Variants in SMARCA4 observed in about 807,000 individuals in gnomAD.
SMARCA4 encodes the protein SWI/SNF-related matrix-associated actin-dependent regulator of chromatin subfamily A member 4.
Under a neutral mutation model 193.9 loss-of-function variants are expected in SMARCA4, and 31 were observed. The ratio of observed to expected loss-of-function variants is 0.16; its 90% CI spans 0.12 to 0.22. The LOEUF is 0.22. Ranked by LOEUF, SMARCA4 falls within the 10% of genes least tolerant of loss-of-function variation. The pLI, the probability that SMARCA4 is intolerant of heterozygous loss-of-function variation, is 1.00. For missense variants in SMARCA4, 1,148 were observed against 2,296.0 expected (o/e 0.50, Z 10.22); for synonymous variants, 942 against 933.1 (o/e 1.01, Z -0.17).
Position 11,061,982 on chromosome 19 carries a change from G to C in SMARCA4, c.*166G>C. Reference sequence around the variant, plus strand: ...CAGCAGAGAAGCTGTAGGACTGTTTGTGACTGGCCCTGTCCTGGCATCAGT... The same window carrying C: ...CAGCAGAGAAGCTGTAGGACTGTTTCTGACTGGCCCTGTCCTGGCATCAGT... On this transcript the variant is annotated 3_prime_UTR_variant, in exon 35 of 35. Coordinates refer to ENST00000344626, the MANE Select transcript of SMARCA4 (RefSeq NM_003072.5). 1.4e-6 allele frequency: 1 copy of C among 700,068 alleles called. No individual in the cohort carries two copies. The highest frequency in any genetic ancestry group is 2.6e-6 in the Non-Finnish European group (1 of 389,454). The allele number at this position is 700,068 out of a possible 1,614,324, so 43.4% of individuals were successfully genotyped here. A position where few individuals can be genotyped will look rare whatever the true frequency, so the allele number is the denominator to read the frequency against.
At chr19:11,004,248 T>C (rs113842686) in intron 13 of SMARCA4, among the ~76,000 whole-genome samples, 9,757 of 139,638 alleles carry the variant, frequency 0.07, 349 homozygotes, top group South Asian at 0.13. Flanking sequence ...AACTCTTGAC[T>C]GGTGATTTTT....
At chr19:10,967,012 C>T (rs907809176) in intron 1 of SMARCA4, among the ~76,000 whole-genome samples, 5 of 152,166 alleles carry the variant, frequency 3.3e-5, no homozygotes, top group Non-Finnish European at 7.4e-5. Flanking sequence ...GGTGCTGCCA[C>T]CCTCATAGGT....
At position 10,986,199 on chromosome 19, in the gene SMARCA4, G is replaced by A. The variant is rs751116106; in HGVS notation, c.366G>A (p.Ser122=). 12 of 1,613,774 alleles carry A rather than the reference G, an allele frequency of 7.4e-6. No homozygotes were observed. The highest frequency in any genetic ancestry group is 4.4e-5 in the South Asian group (4 of 91,084). The change falls in exon 4 of 35, where the codon TCG becomes TCA. Residue 122 remains serine, a synonymous_variant. Coordinates refer to ENST00000344626, the MANE Select transcript of SMARCA4 (RefSeq NM_003072.5). The surrounding 1 kb of genome is among the most constrained non-coding windows in gnomAD (Gnocchi z 6.7). ...PMDQHSQGYP[S]PLGGSEHASS... ...GACCTTTCTCTGCAGGTTACCCCTC[G>A]CCCCTGGGTGGCTCTGAGCATGCCT...
At chr19:11,042,488 A>G (rs2075676777) in intron 30 of SMARCA4, among the ~76,000 whole-genome samples, 1 of 152,252 alleles carries the variant, frequency 6.6e-6, no homozygotes, top group Admixed American at 6.5e-5. Flanking sequence ...CACACTGGCC[A>G]GTACGGCTGT....
rs2074859381 is a variant in SMARCA4 at position 11,030,618 on chromosome 19, G to A, written c.3383-112G>A. On this transcript the variant is annotated intron_variant, in intron 24 of 34. Transcript: ENST00000344626. The surrounding 1 kb of genome is among the most constrained non-coding windows in gnomAD (Gnocchi z 5.5). ...GAGAGTGCGGAGCCAGGGATCTGGG[G>A]ATGCTGGCAGGTGCTGATCCTGCTC... 1 of 951,716 alleles carries A rather than the reference G, an allele frequency of 1.1e-6. No homozygotes were observed. The highest frequency in any genetic ancestry group is 1.6e-6 in the Non-Finnish European group (1 of 613,706). The allele number at this position is 951,716 out of a possible 1,614,324, so 59.0% of individuals were successfully genotyped here. A position where few individuals can be genotyped will look rare whatever the true frequency, so the allele number is the denominator to read the frequency against.
intron 7 of SMARCA4, among the ~76,000 whole-genome samples, chr19:10,990,343 A>G (rs527288769): frequency 6.5e-4 from 99 of 151,936 alleles, no homozygotes; most frequent in South Asian, 1.2e-3. Context: ...CAGTGGCACA[A>G]TCTTGGCTCA....
At chr19:11,014,393 A>G (rs925326433) in intron 16 of SMARCA4, among the ~76,000 whole-genome samples, 8 of 152,174 alleles carry the variant, frequency 5.3e-5, no homozygotes, top group East Asian at 1.9e-4. Context: ...TCTTTCTTCT[A>G]TCTCCCTGCT....
intron 33 of SMARCA4, 37 bp downstream of exon 33, chr19:11,059,922 G>A (rs537747757): frequency 2.4e-5 from 39 of 1,613,476 alleles, no homozygotes; most frequent in South Asian, 2.3e-4. Context: ...CGGGGTTCAC[G>A]CTGGCCCGAG....
intron 1 of SMARCA4, among the ~76,000 whole-genome samples, chr19:10,973,549 C>T (rs1320596484): frequency 2.3e-4 from 33 of 143,300 alleles, no homozygotes; most frequent in African/African-American, 4.7e-4. Flanking sequence ...TACAGGCCCC[C>T]GCCACCACGC....
Position 10,985,664 on chromosome 19 carries a change from G to C in SMARCA4, c.355+259G>C, listed in dbSNP as rs2085962233. ...TCAGCATGGGTGATAGAGGAGGGCT[G>C]TGCAGGGCAGCAGCCCCGTGCCACC... On this transcript the variant is annotated intron_variant, in intron 3 of 34. Coordinates refer to ENST00000344626, the MANE Select transcript of SMARCA4 (RefSeq NM_003072.5). The surrounding 1 kb of genome is among the most constrained non-coding windows in gnomAD (Gnocchi z 4.5). 6.6e-6 allele frequency among the ~76,000 whole-genome samples: 1 copy of C among 152,248 alleles called. No homozygotes were observed. The highest frequency in any genetic ancestry group is 1.5e-5 in the Non-Finnish European group (1 of 68,046).
chr19:10,968,211 C>T (rs1028849658), intron 1 of SMARCA4, among the ~76,000 whole-genome samples: 1 of 152,164 alleles, frequency 6.6e-6, no homozygotes, highest in Non-Finnish European at 1.5e-5. Context: ...TGGTCTCAAA[C>T]TTCTGACCTC....
intron 1 of SMARCA4, among the ~76,000 whole-genome samples, chr19:10,962,002 C>G (rs1037528465): frequency 7.6e-6 from 1 of 130,950 alleles, no homozygotes; most frequent in African/African-American, 2.9e-5. Context: ...TGGTCAGTGA[C>G]TCCTTGGGGA....
rs539350154 is a variant in SMARCA4, at chr19:10,980,130, C to T, written c.-31-3991C>T. On this transcript the variant is annotated intron_variant, in intron 1 of 34. Transcript: ENST00000344626. ...GCTGGGGATGGCTTTGCATCACTCCCGGGCTGTTGGGATCCCCTTTACTGT... is the reference window on the plus strand; with the variant it reads ...GCTGGGGATGGCTTTGCATCACTCCTGGGCTGTTGGGATCCCCTTTACTGT... Among the ~76,000 whole-genome samples the T allele has an allele frequency of 1.1e-4, 17 of 152,238 alleles. No individual in the cohort carries two copies. The South Asian group carries it at 2.7e-3, about 24-fold the overall frequency.
At chr19:10,995,248 A>G (rs1446711402) in intron 9 of SMARCA4, 3 of 642,088 alleles carry the variant, frequency 4.7e-6, no homozygotes, top group East Asian at 3.1e-5. Flanking sequence ...TCTCTGGAAA[A>G]TGGAGGTGGT....
At chr19:11,004,051 G>A (rs1269123833) in intron 13 of SMARCA4, among the ~76,000 whole-genome samples, 1 of 142,626 alleles carries the variant, frequency 7.0e-6, no homozygotes, top group African/African-American at 2.6e-5. Flanking sequence ...GAGACTTGCT[G>A]TGTTGCCCAG....
At chr19:11,017,500 C>T (rs2089472653) in intron 16 of SMARCA4, among the ~76,000 whole-genome samples, 1 of 152,362 alleles carries the variant, frequency 6.6e-6, no homozygotes, top group Non-Finnish European at 1.5e-5. Flanking sequence ...ATGTTTACGG[C>T]GTATGGGCAT....
chr19:10,992,420 A>ATTT (rs927402603), intron 8 of SMARCA4, among the ~76,000 whole-genome samples: 9 of 118,552 alleles, frequency 7.6e-5, no homozygotes, highest in Non-Finnish European at 1.1e-4. Flanking sequence ...CCTGGCCAAC[A>ATTT]TTTTTTTTTT....
intron 1 of SMARCA4, among the ~76,000 whole-genome samples, chr19:10,965,938 A>G (rs916534281): frequency 7.2e-6 from 1 of 139,300 alleles, no homozygotes; most frequent in Non-Finnish European, 1.5e-5. Context: ...ACCATAAGGC[A>G]TTGGAAAAGG....
chr19:11,047,089 A>G (rs2075974246), intron 30 of SMARCA4, among the ~76,000 whole-genome samples: 1 of 152,166 alleles, frequency 6.6e-6, no homozygotes, highest in Non-Finnish European at 1.5e-5. Context: ...AGGGAAGACA[A>G]ACTCAGGGTC....
Sources: allele counts gnomAD v4.1 joint callset (sites outside exome capture counted in the v4.1 genomes callset), GRCh38; gene constraint gnomAD v4.1.1; non-coding constraint Gnocchi (gnomAD v3.1); transcripts MANE v1.5; gene names NCBI Gene and HGNC (gene_info 2026-07-23, HGNC 2026-07-21).